KLHL13: variants seen among roughly 807,000 people sequenced by gnomAD.
KLHL13 encodes kelch-like protein 13.
Under a neutral mutation model 37.1 loss-of-function variants are expected in KLHL13, and 10 were observed. That is an observed-to-expected ratio of 0.27 (90% CI 0.17 to 0.46). The LOEUF is 0.46. KLHL13 is among the 20% of genes least tolerant of loss of function. KLHL13 has a pLI of 1.00. For synonymous variants in KLHL13, 163 were observed against 181.2 expected (o/e 0.90, Z 0.81); for missense variants, 360 against 509.3 (o/e 0.71, Z 2.82).
intron 1 of KLHL13, among the ~76,000 whole-genome samples, chrX:118,036,657 C>CA (rs1449545793): frequency 9.0e-6 from 1 of 111,532 alleles, no homozygotes; most frequent in Admixed American, 9.5e-5. Context: ...AAAACATAGG[C>CA]ATTACCATTC....
At chrX:118,002,875 A>C (rs2053940404) in intron 1 of KLHL13, among the ~76,000 whole-genome samples, 2 of 112,314 alleles carry the variant, frequency 1.8e-5, no homozygotes, top group Non-Finnish European at 3.8e-5. Context: ...TGATGACATG[A>C]AACATCAAAT....
chrX:118,012,622 C>T (rs1407978617), intron 1 of KLHL13, among the ~76,000 whole-genome samples: 1 of 88,016 alleles, frequency 1.1e-5, no homozygotes, highest in African/African-American at 4.4e-5. Context: ...TCCACTTTGC[C>T]ATGAACAGTG....
intron 1 of KLHL13, among the ~76,000 whole-genome samples, chrX:118,079,811 C>CA (rs1226601540): frequency 1.8e-5 from 2 of 110,903 alleles, no homozygotes; most frequent in African/African-American, 6.5e-5. Flanking sequence ...CATATGGAAC[C>CA]AAAAAAGAGC....
intron 1 of KLHL13, among the ~76,000 whole-genome samples, chrX:118,015,887 T>C (rs2054123043): frequency 9.0e-6 from 1 of 111,368 alleles, no homozygotes; most frequent in African/African-American, 3.3e-5. Context: ...ATTGGCTAGA[T>C]CTTCTAGCCA....
upstream of KLHL13, among the ~76,000 whole-genome samples, chrX:117,974,295 T>C (rs1312273707): frequency 1.8e-5 from 2 of 111,878 alleles, no homozygotes; most frequent in Admixed American, 9.5e-5. Context: ...TCCATTTCCA[T>C]CAATGCAAGC....
intron 1 of KLHL13, among the ~76,000 whole-genome samples, chrX:118,112,459 T>G (rs1569320839): frequency 9.0e-6 from 1 of 110,785 alleles, no homozygotes; most frequent in South Asian, 3.9e-4. Flanking sequence ...GGGAATAGTG[T>G]AATAGGACCT....
At chrX:117,939,505 G>A (rs1353217436) in intron 2 of KLHL13, among the ~76,000 whole-genome samples, 1 of 112,141 alleles carries the variant, frequency 8.9e-6, no homozygotes, top group Non-Finnish European at 1.9e-5. Context: ...GATCCTTGAT[G>A]AATCACCACA....
chrX:117,906,373 G>T (rs778818791), intron 5 of KLHL13, among the ~76,000 whole-genome samples: 5 of 111,617 alleles, frequency 4.5e-5, no homozygotes, highest in Admixed American at 9.6e-5. Context: ...ATCATGGATA[G>T]AATTCAGGAA....
rs2055347526 is a variant in KLHL13 at position 118,106,430 on chromosome X, T to A, written c.-56+10078A>T. Reference sequence around the variant, plus strand: ...GCTAATGACCTAATGGTAGAGTAAGTCTAATTTTTCTAAAAAATATATAAA... The same window carrying A: ...GCTAATGACCTAATGGTAGAGTAAGACTAATTTTTCTAAAAAATATATAAA... On this transcript the variant is annotated intron_variant, in intron 1 of 6. Coordinates refer to the KLHL13 transcript ENST00000371882. Among the ~76,000 whole-genome samples the A allele has an allele frequency of 5.4e-5, 6 of 111,783 alleles. No homozygotes were observed. In the South Asian group the frequency reaches 2.3e-3, roughly 42 times the overall value.
intron 1 of KLHL13, among the ~76,000 whole-genome samples, chrX:118,048,078 G>C (rs1211838876): frequency 9.0e-6 from 1 of 111,357 alleles, no homozygotes; most frequent in Non-Finnish European, 1.9e-5. Flanking sequence ...ATTAGTATGA[G>C]TTTAAGAATT....
chrX:117,985,359 T>A, intron 1 of KLHL13: 1 of 1,081,294 alleles, frequency 9.2e-7, no homozygotes, highest in Non-Finnish European at 1.2e-6. Context: ...ACAGCTAGGC[T>A]CTGCTACATA....
At chrX:117,998,399 AATT>A (rs1403391198) in intron 1 of KLHL13, among the ~76,000 whole-genome samples, 1 of 111,573 alleles carries the variant, frequency 9.0e-6, no homozygotes, top group African/African-American at 3.3e-5. Flanking sequence ...GTACATAAGA[AATT>A]ATTAACTATG....
chrX:118,045,385 A>AG (rs1281893885), intron 1 of KLHL13, among the ~76,000 whole-genome samples: 2 of 109,088 alleles, frequency 1.8e-5, no homozygotes, highest in African/African-American at 6.7e-5. Flanking sequence ...AAAAAAAAAA[A>AG]AAAGAAAGAA....
At chrX:118,060,023 C>T (rs1386753351) in intron 1 of KLHL13, among the ~76,000 whole-genome samples, 1 of 111,487 alleles carries the variant, frequency 9.0e-6, no homozygotes. Context: ...AGGCACTGTG[C>T]AGAACATTAG....
intron 1 of KLHL13, among the ~76,000 whole-genome samples, chrX:118,049,092 T>C (rs1016204539): frequency 1.8e-5 from 2 of 112,095 alleles, no homozygotes; most frequent in African/African-American, 6.5e-5. Flanking sequence ...CAAAAACTAA[T>C]AGCTTTAAAA....
At chrX:117,996,100 G>A (rs770769104) in intron 1 of KLHL13, among the ~76,000 whole-genome samples, 13 of 111,973 alleles carry the variant, frequency 1.2e-4, no homozygotes, top group African/African-American at 3.9e-4. Context: ...ACTTTGTATA[G>A]CACACTTTGT....
At chrX:118,098,271 A>G (rs2055237646) in intron 1 of KLHL13, among the ~76,000 whole-genome samples, 1 of 112,242 alleles carries the variant, frequency 8.9e-6, no homozygotes, top group Admixed American at 9.5e-5. Context: ...AAAGGCTATG[A>G]ACAGACACTT....
At chrX:117,927,562 T>A (rs890622702) in intron 2 of KLHL13, among the ~76,000 whole-genome samples, 6 of 112,243 alleles carry the variant, frequency 5.3e-5, no homozygotes, top group Non-Finnish European at 1.1e-4. Flanking sequence ...CCCTAGCAAC[T>A]GGAAAGAATT....
intron 1 of KLHL13, among the ~76,000 whole-genome samples, chrX:118,025,725 C>T (rs1312950511): frequency 9.0e-6 from 1 of 111,723 alleles, no homozygotes; most frequent in Non-Finnish European, 1.9e-5. Context: ...GCACATGTAT[C>T]CCAGAACTTA....
Sources: allele counts gnomAD v4.1 joint callset (sites outside exome capture counted in the v4.1 genomes callset), GRCh38; gene constraint gnomAD v4.1.1; transcripts MANE v1.5; gene names NCBI Gene and HGNC (gene_info 2026-07-23, HGNC 2026-07-21).